The following ZNF765 variants were observed in gnomAD, a reference collection of about 807,000 sequenced individuals.
ZNF765 encodes the protein zinc finger protein 765.
Under a neutral mutation model 44.7 loss-of-function variants are expected in ZNF765, and 37 were observed. The ratio of observed to expected loss-of-function variants is 0.83; its 90% CI spans 0.64 to 1.09. The LOEUF is 1.09. ZNF765 is among the 50% of genes least tolerant of loss of function. ZNF765 has a pLI of 0.00. For synonymous variants in ZNF765, 201 were observed against 213.7 expected (o/e 0.94, Z 0.52); for missense variants, 594 against 626.1 (o/e 0.95, Z 0.55).
At chr19:53,406,086 A>T (rs7254580) in intron 3 of ZNF765, among the ~76,000 whole-genome samples, 118,646 of 141,378 alleles carry the variant, frequency 0.84, 50,207 homozygotes, top group Admixed American at 0.88. Context: ...TGGAGTGCAC[A>T]GGTGCAATCT....
intron 3 of ZNF765, among the ~76,000 whole-genome samples, chr19:53,419,945 A>G (rs1447976765): frequency 6.6e-6 from 1 of 152,076 alleles, no homozygotes; most frequent in African/African-American, 2.4e-5. Flanking sequence ...TCTTGAACCC[A>G]GGAAGGCGAA....
At position 53,395,156 on chromosome 19, in the gene ZNF765, G is replaced by A. The variant is rs1420487597; in HGVS notation, c.-111G>A. 6.6e-6 allele frequency: 1 copy of A among 152,504 alleles called. No homozygotes were observed. The allele number at this position is 152,504 out of a possible 1,614,324, so 9.4% of individuals were successfully genotyped here. A position where few individuals can be genotyped will look rare whatever the true frequency, so the allele number is the denominator to read the frequency against. ...GCGCGCGCAGCTTCGCGCAGACCCG[G>A]AAGCGGACGGCGTGGAGTGACTATC... On this transcript the variant is annotated 5_prime_UTR_variant, in exon 1 of 4. Transcript: ENST00000396408.
chr19:53,396,953 C>T (rs1465275127), intron 1 of ZNF765, among the ~76,000 whole-genome samples: 1 of 152,222 alleles, frequency 6.6e-6, no homozygotes, highest in Admixed American at 6.5e-5. Flanking sequence ...ACAATTGCTT[C>T]TATAGTTGAT....
chr19:53,395,374 A>T (rs1385733469), intron 1 of ZNF765, among the ~76,000 whole-genome samples, 181 bp downstream of exon 1: 1 of 152,164 alleles, frequency 6.6e-6, no homozygotes, highest in African/African-American at 2.4e-5. Context: ...GGTCCCCCTG[A>T]GGCTGGTCCC....
intron 1 of ZNF765, among the ~76,000 whole-genome samples, chr19:53,397,163 G>C (rs1183116548): frequency 6.6e-6 from 1 of 152,228 alleles, no homozygotes; most frequent in Non-Finnish European, 1.5e-5. Context: ...TTCTATAACA[G>C]CCTTCCTATT....
chr19:53,409,251 A>T lies in ZNF765; in HGVS notation c.*124A>T, dbSNP rs565216204. ...CTTACAATTTCAAATCAAACCTTGA[A>T]ATACATCAGAAAATTCGTACTGAAG... On this transcript the variant is annotated 3_prime_UTR_variant, in exon 4 of 4. Coordinates refer to ENST00000396408, the MANE Select transcript of ZNF765 (RefSeq NM_001040185.3). The T allele has an allele frequency of 2.7e-6, 3 of 1,127,218 alleles. No individual in the cohort carries two copies. In the South Asian group the frequency reaches 3.7e-5, roughly 14 times the overall value. The allele number at this position is 1,127,218 out of a possible 1,614,324, so 69.8% of individuals were successfully genotyped here. A position where few individuals can be genotyped will look rare whatever the true frequency, so the allele number is the denominator to read the frequency against.
exon 4 of ZNF765, chr19:53,423,860 C>G (rs1428928136): frequency 7.4e-6 from 1 of 135,060 alleles, no homozygotes; most frequent in Non-Finnish European, 1.6e-5. Flanking sequence ...CTCCTGATCC[C>G]CCCTCCAACC....
intron 1 of ZNF765, among the ~76,000 whole-genome samples, chr19:53,396,101 A>T (rs1485179186): frequency 6.6e-6 from 1 of 152,082 alleles, no homozygotes; most frequent in South Asian, 2.1e-4. Flanking sequence ...AGGGACAGCA[A>T]AGAGGGAGGC....
exon 4 of ZNF765, chr19:53,426,751 G>T (rs1416017112): frequency 6.6e-6 from 1 of 151,798 alleles, no homozygotes; most frequent in African/African-American, 2.4e-5. Context: ...ATCTCAGGTG[G>T]AACAGTTTAA....
downstream of ZNF765, chr19:53,412,130 A>G (rs1007030639): frequency 2.0e-5 from 6 of 302,980 alleles, no homozygotes; most frequent in Admixed American, 9.3e-5. Context: ...AAGGCATTCC[A>G]TTTTCCCTAC....
At chr19:53,423,500 C>T in exon 4 of ZNF765, 1 of 423,458 alleles carries the variant, frequency 2.4e-6, no homozygotes, top group South Asian at 2.0e-5. Context: ...AACCATCCTC[C>T]TGGTGAGCAC....
chr19:53,410,079 T>C lies in ZNF765; in HGVS notation c.*952T>C. 2.2e-6 allele frequency: 1 copy of C among 450,964 alleles called. No individual in the cohort carries two copies. The highest frequency in any genetic ancestry group is 4.5e-6 in the Non-Finnish European group (1 of 221,716). The allele number at this position is 450,964 out of a possible 1,614,324, so 27.9% of individuals were successfully genotyped here. On this transcript the variant is annotated 3_prime_UTR_variant, in exon 4 of 4. Coordinates refer to ENST00000396408, the MANE Select transcript of ZNF765 (RefSeq NM_001040185.3). The stretch of plus-strand genomic sequence containing the variant: ...TTTGCAGTTCATGGGTGAAGTCGTA[T>C]TAGAAACCTTACAAATGTGAAGAAT...
At chr19:53,425,186 T>A (rs2085931577) in exon 4 of ZNF765, 3 of 152,258 alleles carry the variant, frequency 2.0e-5, no homozygotes, top group African/African-American at 7.2e-5. Flanking sequence ...GTGCTGTGCT[T>A]GCCAGCAGGG....
In ZNF765 at chr19:53,406,603, C is replaced by G. The variant is rs185872062; in HGVS notation, c.143-1095C>G. ...GGTATGTGGTATGCAATATAACTGA[C>G]ACAGTCCACTAGTTAATGTCACACA... is the stretch of plus-strand genomic sequence containing the variant. On this transcript the variant is annotated intron_variant, in intron 3 of 3. Transcript: ENST00000396408. Among the ~76,000 whole-genome samples the G allele has an allele frequency of 4.2e-3, 639 of 152,254 alleles. 20 individuals carry two copies. Among genetic ancestry groups the G allele is most frequent in the Admixed American group, 0.04 (609 of 15,292 alleles).
Position 53,409,451 on chromosome 19 carries a change from A to C in ZNF765, c.*324A>C. 2.3e-6 allele frequency: 2 copies of C among 868,536 alleles called. No individual in the cohort carries two copies. Among genetic ancestry groups the C allele is most frequent in the South Asian group, 2.6e-5 (2 of 75,948 alleles). 53.8% of individuals were successfully genotyped at this position (868,536 alleles called of 1,614,324 possible). On this transcript the variant is annotated 3_prime_UTR_variant, in exon 4 of 4. Transcript: ENST00000396408. The stretch of plus-strand genomic sequence containing the variant: ...AGAATTCACACTGGTGAGAAACCTT[A>C]CAGGTGTAATGAGTGTGGCAAGACC...
Position 53,402,003 on chromosome 19 carries a change from A to G in ZNF765, c.16-62A>G, listed in dbSNP as rs181138692. On this transcript the variant is annotated intron_variant, in intron 2 of 3. Coordinates refer to ENST00000396408, the MANE Select transcript of ZNF765 (RefSeq NM_001040185.3). ...ATGCCTTCACCTCTCTCTTCTTCTCATTTTCTGTAAAGATAAGAACTCCTC... is the reference window on the plus strand; with the variant it reads ...ATGCCTTCACCTCTCTCTTCTTCTCGTTTTCTGTAAAGATAAGAACTCCTC... The G allele has an allele frequency of 1.0e-4, 163 of 1,613,740 alleles. 1 individual carries two copies. In the East Asian group the frequency reaches 3.2e-3, roughly 32 times the overall value.
rs2085668549 is a variant in ZNF765, at chr19:53,396,236, G to C, written c.-74+1043G>C. ...GGACACCTGGGGATCTGGGGTGCTA[G>C]AGAGTGGGGATGAGGGTATAACAGG... is the stretch of plus-strand genomic sequence containing the variant. On this transcript the variant is annotated intron_variant, in intron 1 of 3. Transcript: ENST00000396408. Among the ~76,000 whole-genome samples, 3 of 150,170 alleles carry C rather than the reference G, an allele frequency of 2.0e-5. 1 individual carries two copies. The highest frequency in any genetic ancestry group is 1.3e-4 in the Admixed American group (2 of 15,162).
chr19:53,402,056 T>C lies in ZNF765; in HGVS notation c.16-9T>C, dbSNP rs2085731446. On this transcript the variant is annotated splice_polypyrimidine_tract_variant and intron_variant, in intron 2 of 3. Transcript: ENST00000396408. ...ATAACCATTTGGTTAAAATGTGTTT[T>C]CATTTCAGGGTCTATTGACATTCAG... is the stretch of plus-strand genomic sequence containing the variant. 2 of 1,613,822 alleles carry C rather than the reference T, an allele frequency of 1.2e-6. No individual in the cohort carries two copies. The highest frequency in any genetic ancestry group is 3.3e-5 in the Admixed American group (2 of 59,940).
At chr19:53,400,667 A>G (rs2085715321) in intron 2 of ZNF765, among the ~76,000 whole-genome samples, 1 of 151,512 alleles carries the variant, frequency 6.6e-6, no homozygotes, top group Non-Finnish European at 1.5e-5. Flanking sequence ...ATATATTTTG[A>G]ACAACTTTTC....
Sources: gnomAD v4.1 joint callset for allele counts (sites outside exome capture counted in the v4.1 genomes callset) on GRCh38, gnomAD v4.1.1 for gene constraint, MANE v1.5 for transcripts, NCBI Gene and HGNC (gene_info 2026-07-23, HGNC 2026-07-21) for gene names.